Variants in SGCD observed in about 807,000 individuals in gnomAD.
The protein encoded by SGCD is sarcoglycan delta, also known as delta-sarcoglycan.
In SGCD, 18 loss-of-function variants were observed where a neutral mutation model predicts 36.6. The ratio of observed to expected loss-of-function variants is 0.49; its 90% CI spans 0.34 to 0.73. SGCD has a LOEUF of 0.73. Among genes scored for constraint, SGCD ranks in the 30% least tolerant of loss-of-function variants. The pLI is 0.01. For synonymous variants in SGCD, 133 were observed against 130.6 expected, an observed-to-expected ratio of 1.02 and a Z score of -0.12; for missense variants, 387 against 346.7, an observed-to-expected ratio of 1.12 and a Z score of -0.92.
intron 3 of SGCD, among the ~76,000 whole-genome samples, chr5:156,500,944 C>T (rs899214469): frequency 2.0e-5 from 3 of 152,154 alleles, no homozygotes; most frequent in Non-Finnish European, 4.4e-5. Flanking sequence ...TACCCTGCAC[C>T]AGTGGGAAGG....
At chr5:156,120,992 A>C (rs1762024278) in intron 2 of SGCD, among the ~76,000 whole-genome samples, 1 of 152,130 alleles carries the variant, frequency 6.6e-6, no homozygotes, top group Admixed American at 6.6e-5. Context: ...ACAATAAATG[A>C]ATCAGAAAAC....
intron 7 of SGCD, among the ~76,000 whole-genome samples, chr5:156,740,704 CTAAG>C (rs1756626167): frequency 6.6e-6 from 1 of 152,182 alleles, no homozygotes; most frequent in Non-Finnish European, 1.5e-5. Context: ...TGAAGATCTG[CTAAG>C]TCAGTCTACG....
chr5:156,433,853 T>C (rs1753130576), intron 3 of SGCD, among the ~76,000 whole-genome samples: 1 of 152,188 alleles, frequency 6.6e-6, no homozygotes, highest in Admixed American at 6.5e-5. Flanking sequence ...GTGTCTCCCC[T>C]TGTGGTTACA....
chr5:156,502,161 C>T (rs1404529893), intron 3 of SGCD, among the ~76,000 whole-genome samples: 1 of 152,010 alleles, frequency 6.6e-6, no homozygotes, highest in Non-Finnish European at 1.5e-5. Flanking sequence ...ATTCTCCTGC[C>T]TCAGCCTCCT....
intron 1 of SGCD, among the ~76,000 whole-genome samples, chr5:155,967,509 A>G (rs368090026): frequency 2.0e-5 from 3 of 152,146 alleles, no homozygotes. Flanking sequence ...AGGTTGTTTA[A>G]GGTTTCCATC....
At chr5:156,217,557 A>AT (rs1177942042) in intron 3 of SGCD, among the ~76,000 whole-genome samples, 1 of 152,110 alleles carries the variant, frequency 6.6e-6, no homozygotes, top group Non-Finnish European at 1.5e-5. Context: ...CTAACTTTTC[A>AT]TTTCAACTGT....
At chr5:155,895,474 T>A (rs527886622) in intron 1 of SGCD, among the ~76,000 whole-genome samples, 1 of 152,330 alleles carries the variant, frequency 6.6e-6, no homozygotes, top group Admixed American at 6.5e-5. Flanking sequence ...ATTTAAAATA[T>A]TTGAGCTTGG....
chr5:156,317,205 T>C (rs1767540460), intron 3 of SGCD, among the ~76,000 whole-genome samples: 2 of 152,118 alleles, frequency 1.3e-5, no homozygotes, highest in Admixed American at 1.3e-4. Flanking sequence ...TAATATCTGC[T>C]AATATTTGAA....
rs900671155 is a variant in SGCD, at chr5:156,762,812, C to G, written c.*3422C>G. ...GTCCTTTACAGGCAAAGTTTCCTCA[C>G]CCCTGACCTAGAGGTTTTTGTGGTA... On this transcript the variant is annotated 3_prime_UTR_variant, in exon 9 of 9. Coordinates refer to ENST00000337851, the MANE Select transcript of SGCD (RefSeq NM_000337.6). The G allele has an allele frequency of 6.6e-6, 1 of 152,264 alleles. No individual in the cohort carries two copies. Among genetic ancestry groups the G allele is most frequent in the Non-Finnish European group, 1.5e-5 (1 of 68,032 alleles). 9.4% of individuals were successfully genotyped at this position (152,264 alleles called of 1,614,324 possible).
At chr5:156,224,525 G>A (rs533249795) in intron 3 of SGCD, among the ~76,000 whole-genome samples, 3 of 152,208 alleles carry the variant, frequency 2.0e-5, no homozygotes, top group African/African-American at 7.2e-5. Context: ...TTCCAAATTA[G>A]TTTTTGTACC....
intron 6 of SGCD, among the ~76,000 whole-genome samples, chr5:156,611,312 T>TC (rs1414029415): frequency 1.3e-5 from 2 of 152,252 alleles, no homozygotes; most frequent in African/African-American, 4.8e-5. Flanking sequence ...TATGACGAAT[T>TC]CCCTCAGCTT....
At chr5:156,458,468 A>G (rs1754349338) in intron 3 of SGCD, 2 of 1,605,472 alleles carry the variant, frequency 1.2e-6, no homozygotes, top group African/African-American at 2.7e-5. Flanking sequence ...ATGGCAGCTC[A>G]TCCCCAACAC....
intron 3 of SGCD, among the ~76,000 whole-genome samples, chr5:156,251,758 C>G (rs1765584314): frequency 6.6e-6 from 1 of 152,092 alleles, no homozygotes; most frequent in Admixed American, 6.5e-5. Flanking sequence ...TCATGATCCT[C>G]CCACCTCGCC....
intron 3 of SGCD, among the ~76,000 whole-genome samples, chr5:156,272,945 A>G (rs1766218628): frequency 6.6e-6 from 1 of 152,258 alleles, no homozygotes; most frequent in Admixed American, 6.5e-5. Flanking sequence ...CATGGCTCAC[A>G]AAGCCAAACG....
intron 3 of SGCD, among the ~76,000 whole-genome samples, chr5:156,211,253 A>ATTATG (rs1764434081): frequency 6.6e-6 from 1 of 152,170 alleles, no homozygotes; most frequent in Non-Finnish European, 1.5e-5. Flanking sequence ...CCAGACAAAC[A>ATTATG]AAAGCTTAGA....
chr5:155,970,024 A>T (rs1757978817), intron 1 of SGCD, among the ~76,000 whole-genome samples: 2 of 152,026 alleles, frequency 1.3e-5, no homozygotes, highest in South Asian at 4.2e-4. Context: ...ACACATACAC[A>T]CACACACACA....
chr5:156,600,096 A>G (rs1309026773), intron 6 of SGCD, among the ~76,000 whole-genome samples: 4 of 152,232 alleles, frequency 2.6e-5, no homozygotes, highest in Admixed American at 2.0e-4. Flanking sequence ...TCTCCATCAT[A>G]TAATGATGAA....
intron 7 of SGCD, among the ~76,000 whole-genome samples, chr5:156,711,692 T>C (rs1288139767): frequency 1.3e-5 from 2 of 152,192 alleles, no homozygotes; most frequent in Non-Finnish European, 2.9e-5. Context: ...TTGTTGACTT[T>C]CTGAAATTCT....
intron 7 of SGCD, among the ~76,000 whole-genome samples, chr5:156,676,463 G>T (rs946414298): frequency 6.6e-6 from 1 of 152,182 alleles, no homozygotes. Context: ...CAGACACTGC[G>T]AATGAGTTCT....
Sources: gnomAD v4.1 joint callset for allele counts (sites outside exome capture counted in the v4.1 genomes callset) on GRCh38, gnomAD v4.1.1 for gene constraint, MANE v1.5 for transcripts, NCBI Gene and HGNC (gene_info 2026-07-23, HGNC 2026-07-21) for gene names.